Variants in PARVA observed in about 807,000 individuals in gnomAD.
PARVA encodes alpha-parvin.
PARVA carries 25 observed loss-of-function variants against 52.6 expected under a neutral mutation model. The ratio of observed to expected loss-of-function variants is 0.48; its 90% CI spans 0.35 to 0.66. The LOEUF (loss-of-function observed/expected upper bound fraction) is 0.66. PARVA is among the 30% of genes least tolerant of loss of function. The probability of loss-of-function intolerance (pLI) is 0.01; values close to 1 mark genes in which losing one functional copy is unlikely to be tolerated. For synonymous variants in PARVA, 185 were observed against 179.1 expected (o/e 1.03, Z -0.26); for missense variants, 373 against 450.9 (o/e 0.83, Z 1.56).
intron 1 of PARVA, among the ~76,000 whole-genome samples, chr11:12,429,473 G>T (rs953147728): frequency 3.3e-5 from 5 of 152,204 alleles, no homozygotes; most frequent in African/African-American, 1.2e-4. Context: ...TATAAAGGAT[G>T]TATAGCACAC....
At chr11:12,444,814 G>A (rs1278225243) in intron 1 of PARVA, among the ~76,000 whole-genome samples, 1 of 152,118 alleles carries the variant, frequency 6.6e-6, no homozygotes, top group Non-Finnish European at 1.5e-5. Context: ...TGGCCCTAGG[G>A]GAAAAGAAAG....
At chr11:12,487,080 G>A (rs544901704) in intron 4 of PARVA, among the ~76,000 whole-genome samples, 7 of 152,308 alleles carry the variant, frequency 4.6e-5, no homozygotes, top group African/African-American at 1.7e-4. Context: ...GTGTCAAATA[G>A]AGGAGTGTCA....
intron 4 of PARVA, among the ~76,000 whole-genome samples, chr11:12,490,786 G>T (rs559145103): frequency 2.6e-5 from 4 of 152,092 alleles, no homozygotes; most frequent in Non-Finnish European, 5.9e-5. Flanking sequence ...CCATACAACC[G>T]TAGCACATAA....
At chr11:12,514,762 A>T (rs1187867057) in intron 10 of PARVA, among the ~76,000 whole-genome samples, 1 of 152,244 alleles carries the variant, frequency 6.6e-6, no homozygotes, top group Non-Finnish European at 1.5e-5. Context: ...CTGGGACTAT[A>T]GGCATGAGCC....
intron 12 of PARVA, among the ~76,000 whole-genome samples, chr11:12,521,574 G>A (rs191119097): frequency 1.8e-3 from 279 of 152,274 alleles, no homozygotes; most frequent in African/African-American, 6.5e-3. Context: ...GGCCAAAAAC[G>A]TCCAGGTCCT....
chr11:12,520,502 CTGTGCTGTTTAACACTCAAAGCTCTGT>C (rs1941622881), intron 12 of PARVA, among the ~76,000 whole-genome samples: 1 of 152,218 alleles, frequency 6.6e-6, no homozygotes, highest in African/African-American at 2.4e-5. Context: ...GCATTCTCTG[CTGTGCTGTTTAACACTCAAAGCTCTGT>C]TGTGCCTTGA....
At chr11:12,510,753 T>C (rs1271171932) in intron 7 of PARVA, among the ~76,000 whole-genome samples, 1 of 152,144 alleles carries the variant, frequency 6.6e-6, no homozygotes, top group East Asian at 1.9e-4. Context: ...ATCATGAGAA[T>C]AGTATGGGAA....
chr11:12,501,770 A>T (rs1348647522), intron 5 of PARVA, among the ~76,000 whole-genome samples: 1 of 152,208 alleles, frequency 6.6e-6, no homozygotes, highest in Non-Finnish European at 1.5e-5. Flanking sequence ...TCTAAAAAAA[A>T]TCCCAGGAGG....
At chr11:12,429,063 G>A (rs931697498) in intron 1 of PARVA, among the ~76,000 whole-genome samples, 15 of 152,062 alleles carry the variant, frequency 9.9e-5, no homozygotes, top group South Asian at 6.2e-4. Context: ...CTGCAGCCTC[G>A]ACCTCCTGGG....
intron 1 of PARVA, among the ~76,000 whole-genome samples, chr11:12,434,968 C>T (rs1940367307): frequency 6.6e-6 from 1 of 152,214 alleles, no homozygotes; most frequent in East Asian, 1.9e-4. Flanking sequence ...CCAGTCCCTT[C>T]TCAATCAGCT....
chr11:12,458,457 G>T (rs1940727565), intron 1 of PARVA, among the ~76,000 whole-genome samples: 2 of 152,208 alleles, frequency 1.3e-5, no homozygotes. Context: ...GTTTTTGCAT[G>T]GCATTGGCCT....
At chr11:12,463,976 C>CTTTT (rs71037069) in intron 1 of PARVA, among the ~76,000 whole-genome samples, 27 of 135,542 alleles carry the variant, frequency 2.0e-4, no homozygotes, top group African/African-American at 6.6e-4. Context: ...GACATCCCTC[C>CTTTT]TTTTTTTTTT....
chr11:12,455,859 T>C (rs1394628499), intron 1 of PARVA, among the ~76,000 whole-genome samples: 1 of 152,180 alleles, frequency 6.6e-6, no homozygotes, highest in Admixed American at 6.5e-5. Flanking sequence ...CATCTTCATC[T>C]TTCCTCAAGT....
At chr11:12,491,631 A>G (rs909084045) in intron 4 of PARVA, among the ~76,000 whole-genome samples, 4 of 152,220 alleles carry the variant, frequency 2.6e-5, no homozygotes. Context: ...ACTACATATT[A>G]ATAAGAAATT....
intron 3 of PARVA, among the ~76,000 whole-genome samples, chr11:12,474,441 G>A (rs1056193554): frequency 2.6e-5 from 4 of 151,998 alleles, no homozygotes; most frequent in Admixed American, 6.6e-5. Flanking sequence ...TGTGCATTAC[G>A]TACCTGCGCA....
chr11:12,448,220 G>T (rs1940574105), intron 1 of PARVA, among the ~76,000 whole-genome samples: 1 of 152,178 alleles, frequency 6.6e-6, no homozygotes. Context: ...AAGGCGGGGG[G>T]TCATAGAGAT....
At chr11:12,378,673 G>A (rs1338879653) in intron 1 of PARVA, among the ~76,000 whole-genome samples, 12 of 150,856 alleles carry the variant, frequency 8.0e-5, no homozygotes, top group Non-Finnish European at 1.6e-4. Flanking sequence ...AAAACGAGGT[G>A]GCAGTTCTCA....
rs1221182482 is a variant in PARVA at position 12,531,373 on chromosome 11, A to T, written c.*3448A>T. 6.6e-6 allele frequency among the ~76,000 whole-genome samples: 1 copy of T among 152,196 alleles called. No homozygotes were observed. The highest frequency in any genetic ancestry group is 2.4e-5 in the African/African-American group (1 of 41,434). The stretch of plus-strand genomic sequence containing the variant: ...TGTTGTGGGTTGCTTGGTTAACCCT[A>T]CAGAGTATACTTGAAGCTTATTTGC... On this transcript the variant is annotated 3_prime_UTR_variant, in exon 13 of 13. Coordinates refer to ENST00000334956, the MANE Select transcript of PARVA (RefSeq NM_018222.5).
chr11:12,481,171 C>T (rs1273825105), intron 4 of PARVA, among the ~76,000 whole-genome samples: 1 of 152,174 alleles, frequency 6.6e-6, no homozygotes, highest in African/African-American at 2.4e-5. Context: ...ATTTAGAATG[C>T]ATCTGCCGCA....
Sources: allele counts gnomAD v4.1 joint callset (sites outside exome capture counted in the v4.1 genomes callset), GRCh38; gene constraint gnomAD v4.1.1; transcripts MANE v1.5; gene names NCBI Gene and HGNC (gene_info 2026-07-23, HGNC 2026-07-21).